IGF2BP2: variants seen among roughly 807,000 people sequenced by gnomAD.
IGF2BP2 encodes insulin like growth factor 2 mRNA binding protein 2, also known as insulin-like growth factor 2 mRNA-binding protein 2.
In IGF2BP2, 17 loss-of-function variants were observed where a neutral mutation model predicts 75.8. The ratio of observed to expected loss-of-function variants is 0.22; its 90% CI spans 0.15 to 0.34. The LOEUF is 0.34. Among genes scored for constraint, IGF2BP2 ranks in the 10% least tolerant of loss-of-function variants. The pLI, the probability that IGF2BP2 is intolerant of heterozygous loss-of-function variation, is 1.00. For missense variants in IGF2BP2, 516 were observed against 772.4 expected (o/e 0.67, Z 3.93); for synonymous variants, 288 against 295.6 (o/e 0.97, Z 0.26).
At chr3:185,752,322 T>C (rs1277548762) in intron 2 of IGF2BP2, among the ~76,000 whole-genome samples, 1 of 152,164 alleles carries the variant, frequency 6.6e-6, no homozygotes, top group Non-Finnish European at 1.5e-5. Context: ...GCTAGAGGAA[T>C]TATTACCTAA....
At chr3:185,773,946 C>A (rs1366372569) in intron 2 of IGF2BP2, among the ~76,000 whole-genome samples, 1 of 152,212 alleles carries the variant, frequency 6.6e-6, no homozygotes, top group Admixed American at 6.5e-5. Flanking sequence ...TCGCGGAGAT[C>A]TTCTCACTTC....
chr3:185,821,159 TAAAC>T, intron 2 of IGF2BP2: 1 of 1,453,762 alleles, frequency 6.9e-7, no homozygotes, highest in Non-Finnish European at 9.0e-7. Flanking sequence ...TTTCTGCATT[TAAAC>T]TAATAAAGGA....
intron 7 of IGF2BP2, among the ~76,000 whole-genome samples, chr3:185,677,335 G>A (rs1327214340): frequency 2.0e-5 from 3 of 151,796 alleles, no homozygotes; most frequent in African/African-American, 7.3e-5. Flanking sequence ...CAGCATTAGA[G>A]TTCAGAAGCT....
At chr3:185,667,262 C>A (rs1213362497) in intron 10 of IGF2BP2, among the ~76,000 whole-genome samples, 1 of 133,740 alleles carries the variant, frequency 7.5e-6, no homozygotes, top group East Asian at 1.9e-4. Flanking sequence ...AAGATAAATT[C>A]TCCATGAATT....
chr3:185,713,317 C>T (rs1725092508), intron 2 of IGF2BP2: 1 of 454,252 alleles, frequency 2.2e-6, no homozygotes, highest in African/African-American at 2.0e-5. Context: ...ATCTAAACAG[C>T]TCTGTAAAGC....
rs756316210 is a variant in IGF2BP2, at chr3:185,671,135, T to TAG, written c.1200+1405_1200+1406insCT. 1.5e-4 allele frequency among the ~76,000 whole-genome samples: 23 copies of TAG among 152,364 alleles called. No individual in the cohort carries two copies. In the South Asian group the frequency reaches 4.8e-3, roughly 32 times the overall value. Reference sequence around the variant, plus strand: ...TTGGCGCAGCCATGTGACTGACAGCTGCCACAATCCCTCATACTGCATCTT... The same window carrying TAG: ...TTGGCGCAGCCATGTGACTGACAGCTAGGCCACAATCCCTCATACTGCATCTT... On this transcript the variant is annotated intron_variant, in intron 10 of 15. Coordinates refer to ENST00000382199, the MANE Select transcript of IGF2BP2 (RefSeq NM_006548.6).
chr3:185,709,814 C>T (rs1271527494), intron 2 of IGF2BP2, among the ~76,000 whole-genome samples: 1 of 152,196 alleles, frequency 6.6e-6, no homozygotes, highest in Non-Finnish European at 1.5e-5. Context: ...AAGAGAGCAC[C>T]ATCTCACCTA....
At chr3:185,754,053 A>G (rs1486471386) in intron 2 of IGF2BP2, among the ~76,000 whole-genome samples, 1 of 151,852 alleles carries the variant, frequency 6.6e-6, no homozygotes, top group African/African-American at 2.4e-5. Context: ...AAAAAAAAAT[A>G]CAAACATTAG....
intron 10 of IGF2BP2, among the ~76,000 whole-genome samples, chr3:185,665,425 A>AAGGAGGAGAAGGAGG (rs1717295508): frequency 5.0e-5 from 2 of 40,230 alleles, no homozygotes; most frequent in Non-Finnish European, 1.1e-4. Context: ...GGAGAAGGAG[A>AAGGAGGAGAAGGAGG]AGGAGGAGGA....
chr3:185,759,772 T>C (rs185560131), intron 2 of IGF2BP2, among the ~76,000 whole-genome samples: 2 of 152,378 alleles, frequency 1.3e-5, no homozygotes, highest in East Asian at 1.9e-4. Context: ...AATAGCATAA[T>C]TTCTCATGAG....
chr3:185,646,044 A>G (rs947743361), intron 15 of IGF2BP2, among the ~76,000 whole-genome samples: 1 of 152,088 alleles, frequency 6.6e-6, no homozygotes, highest in East Asian at 1.9e-4. Context: ...CAGATGCTCT[A>G]CCCTGAACAG....
intron 10 of IGF2BP2, among the ~76,000 whole-genome samples, chr3:185,661,060 T>C (rs1394740444): frequency 1.3e-5 from 2 of 152,144 alleles, no homozygotes; most frequent in Non-Finnish European, 2.9e-5. Flanking sequence ...TGTCAAAGGA[T>C]AAAAAGGACA....
At chr3:185,771,206 G>A (rs1733818159) in intron 2 of IGF2BP2, among the ~76,000 whole-genome samples, 1 of 152,158 alleles carries the variant, frequency 6.6e-6, no homozygotes, top group Admixed American at 6.5e-5. Flanking sequence ...TTGGGAGGGC[G>A]AGTTGGGCCG....
intron 2 of IGF2BP2, among the ~76,000 whole-genome samples, chr3:185,747,426 C>T (rs1730388760): frequency 6.6e-6 from 1 of 152,086 alleles, no homozygotes; most frequent in Non-Finnish European, 1.5e-5. Context: ...CACCTGTAAT[C>T]CCAACACTTT....
intron 2 of IGF2BP2, among the ~76,000 whole-genome samples, chr3:185,801,327 T>A (rs1738230849): frequency 6.6e-6 from 1 of 151,780 alleles, no homozygotes; most frequent in Non-Finnish European, 1.5e-5. Flanking sequence ...CCGTCTCTAC[T>A]AAAAATACAA....
chr3:185,731,193 T>C (rs969429157), intron 2 of IGF2BP2, among the ~76,000 whole-genome samples: 13 of 151,544 alleles, frequency 8.6e-5, no homozygotes, highest in Admixed American at 2.6e-4. Flanking sequence ...CTGTACAGAA[T>C]GGAACCTAGA....
intron 9 of IGF2BP2, 73 bp downstream of exon 9, chr3:185,675,223 T>G: frequency 6.6e-7 from 1 of 1,504,938 alleles, no homozygotes; most frequent in Non-Finnish European, 9.0e-7. Flanking sequence ...CCTAAGGCAC[T>G]TCCTCATTAG....
chr3:185,741,017 T>C (rs1729479942), intron 2 of IGF2BP2, among the ~76,000 whole-genome samples: 1 of 152,136 alleles, frequency 6.6e-6, no homozygotes, highest in African/African-American at 2.4e-5. Flanking sequence ...GCTGGGATTA[T>C]AGGCACATGC....
At chr3:185,782,452 A>C (rs1735335416) in intron 2 of IGF2BP2, among the ~76,000 whole-genome samples, 2 of 152,118 alleles carry the variant, frequency 1.3e-5, no homozygotes, top group South Asian at 4.2e-4. Context: ...TTCACCGACT[A>C]TCTCTGCTTG....
Sources: allele counts gnomAD v4.1 joint callset (sites outside exome capture counted in the v4.1 genomes callset), GRCh38; gene constraint gnomAD v4.1.1; transcripts MANE v1.5; gene names NCBI Gene and HGNC (gene_info 2026-07-23, HGNC 2026-07-21).